The following API5 variants were observed in gnomAD, a reference collection of about 807,000 sequenced individuals.
API5 encodes the protein apoptosis inhibitor 5.
Under a neutral mutation model 71.9 loss-of-function variants are expected in API5, and 6 were observed. That is an observed-to-expected ratio of 0.08 (90% confidence interval 0.05 to 0.16). The LOEUF (loss-of-function observed/expected upper bound fraction) is 0.16, where lower values mean the gene tolerates loss of function less well. Among genes scored for constraint, API5 ranks in the 10% least tolerant of loss-of-function variants. The probability of loss-of-function intolerance (pLI) is 1.00; values close to 1 mark genes in which losing one functional copy is unlikely to be tolerated. For synonymous variants in API5, 189 were observed against 221.3 expected (o/e 0.85, Z 1.30); for missense variants, 332 against 612.8 (o/e 0.54, Z 4.84).
chr11:43,312,484 T>C (rs927696218), intron 1 of API5, among the ~76,000 whole-genome samples: 1 of 130 alleles, frequency 7.7e-3, no homozygotes, highest in Non-Finnish European at 0.014. Context: ...TTAATTCTTC[T>C]CACGGAGCTT....
At chr11:43,330,900 GC>G (rs1855229742) in intron 11 of API5, among the ~76,000 whole-genome samples, 1 of 151,198 alleles carries the variant, frequency 6.6e-6, no homozygotes, top group African/African-American at 2.4e-5. Flanking sequence ...TGTACTGTAG[GC>G]TAGGGTATAC....
chr11:43,314,993 GATTT>G (rs1854620781), intron 1 of API5, among the ~76,000 whole-genome samples: 1 of 152,150 alleles, frequency 6.6e-6, no homozygotes, highest in African/African-American at 2.4e-5. Flanking sequence ...ACTTATGAGA[GATTT>G]ATGATCAGTA....
chr11:43,321,875 T>G, intron 4 of API5, 110 bp from the exon 5 acceptor site: 1 of 1,097,972 alleles, frequency 9.1e-7, no homozygotes. Flanking sequence ...GGATGATATT[T>G]GGGAAGTTCA....
intron 6 of API5, among the ~76,000 whole-genome samples, chr11:43,324,724 C>T (rs1415798921): frequency 2.0e-5 from 3 of 152,118 alleles, no homozygotes; most frequent in Non-Finnish European, 2.9e-5. Context: ...ATCCCCCAGG[C>T]TGGAGTGCAG....
intron 9 of API5, chr11:43,329,213 A>G (rs5743242): frequency 0.54 from 124,403 of 228,642 alleles, 35,861 homozygotes; most frequent in African/African-American, 0.73. Context: ...GGAGTGTGGT[A>G]ACACACCAGT....
At chr11:43,333,192 A>G (rs1286721821) in intron 11 of API5, among the ~76,000 whole-genome samples, 7 of 152,220 alleles carry the variant, frequency 4.6e-5, no homozygotes, top group Non-Finnish European at 8.8e-5. Context: ...CATGGATACC[A>G]AAACCCTCAG....
chr11:43,332,885 TC>T (rs997438017), intron 11 of API5, among the ~76,000 whole-genome samples: 1 of 152,048 alleles, frequency 6.6e-6, no homozygotes, highest in Non-Finnish European at 1.5e-5. Context: ...GGCAGTCAGC[TC>T]CCCCATCCTG....
At chr11:43,336,052 A>G in intron 13 of API5, 58 bp downstream of exon 13, 1 of 1,582,884 alleles carries the variant, frequency 6.3e-7, no homozygotes, top group Non-Finnish European at 8.6e-7. Context: ...ATTGTGTTAT[A>G]CTTTATTTTA....
chr11:43,312,623 A>T (rs1241890423), intron 1 of API5, among the ~76,000 whole-genome samples: 1 of 151,956 alleles, frequency 6.6e-6, no homozygotes, highest in Non-Finnish European at 1.5e-5. Flanking sequence ...TTCTGCTACT[A>T]ATTGAAGAAG....
At chr11:43,328,940 A>G (rs1414608112) in intron 9 of API5, 47 bp downstream of exon 9, 1 of 1,596,100 alleles carries the variant, frequency 6.3e-7, no homozygotes. Context: ...GGTGGTAGCT[A>G]TCCTGAAGTT....
chr11:43,339,663 C>T (rs1855549665), intron 13 of API5, among the ~76,000 whole-genome samples: 1 of 152,066 alleles, frequency 6.6e-6, no homozygotes, highest in South Asian at 2.1e-4. Context: ...ACACATAGCA[C>T]CTATTTGGCA....
At chr11:43,330,465 G>A (rs1305992183) in intron 10 of API5, 43 bp from the exon 11 acceptor site, 1 of 1,364,516 alleles carries the variant, frequency 7.3e-7, no homozygotes, top group Non-Finnish European at 1.0e-6. Flanking sequence ...ATGCCTCATA[G>A]AAGTTATTGG....
At chr11:43,336,422 C>G (rs1344385936) in intron 13 of API5, among the ~76,000 whole-genome samples, 5 of 152,202 alleles carry the variant, frequency 3.3e-5, no homozygotes, top group Non-Finnish European at 5.9e-5. Flanking sequence ...CTCCCATCTT[C>G]TGTAGCTAGT....
chr11:43,323,724 G>C, intron 6 of API5, 88 bp downstream of exon 6: 3 of 1,231,170 alleles, frequency 2.4e-6, no homozygotes, highest in Non-Finnish European at 3.4e-6. Context: ...AACCTTTCCA[G>C]TAGTGTCCCT....
chr11:43,319,641 G>A (rs1854798057), intron 2 of API5, among the ~76,000 whole-genome samples: 1 of 152,046 alleles, frequency 6.6e-6, no homozygotes, highest in East Asian at 1.9e-4. Context: ...TCAAACTCCT[G>A]GCCTCAAGCT....
At chr11:43,318,909 G>A in intron 2 of API5, 108 bp downstream of exon 2, 3 of 1,147,730 alleles carry the variant, frequency 2.6e-6, no homozygotes, top group Non-Finnish European at 3.7e-6. Context: ...AAAATACTAT[G>A]GTATGGTCTG....
intron 1 of API5, among the ~76,000 whole-genome samples, chr11:43,317,462 A>G (rs1025774227): frequency 2.0e-5 from 3 of 152,132 alleles, no homozygotes; most frequent in Non-Finnish European, 4.4e-5. Flanking sequence ...AGTCCGTCTT[A>G]ATCCAAAATT....
At chr11:43,321,831 G>A (rs1854902001) in intron 4 of API5, among the ~76,000 whole-genome samples, 154 bp from the exon 5 acceptor site, 1 of 152,134 alleles carries the variant, frequency 6.6e-6, no homozygotes, top group Non-Finnish European at 1.5e-5. Flanking sequence ...GGTTCAGGCT[G>A]TAGAAATTTC....
chr11:43,312,324 A>G (rs1230409143), intron 1 of API5, 128 bp downstream of exon 1: 3 of 1,002,268 alleles, frequency 3.0e-6, no homozygotes, highest in African/African-American at 1.6e-5. Flanking sequence ...TAGCCTCCTC[A>G]GGCCGTCTCG....
Sources: allele counts gnomAD v4.1 joint callset (sites outside exome capture counted in the v4.1 genomes callset), GRCh38; gene constraint gnomAD v4.1.1; transcripts MANE v1.5; gene names NCBI Gene and HGNC (gene_info 2026-07-23, HGNC 2026-07-21).